Variants in GBE1 observed in about 807,000 individuals in gnomAD.
GBE1 encodes the protein 1,4-alpha-glucan-branching enzyme.
Under a neutral mutation model 88.8 loss-of-function variants are expected in GBE1, and 70 were observed. The ratio of observed to expected loss-of-function variants is 0.79; its 90% CI spans 0.65 to 0.96. The LOEUF (loss-of-function observed/expected upper bound fraction) is 0.96, where lower values mean the gene tolerates loss of function less well. Among genes scored for constraint, GBE1 ranks in the 40% least tolerant of loss-of-function variants. The pLI, the probability that GBE1 is intolerant of heterozygous loss-of-function variation, is 0.00. For synonymous variants in GBE1, 284 were observed against 300.1 expected, an observed-to-expected ratio of 0.95 and a Z score of 0.56; for missense variants, 872 against 871.0, an observed-to-expected ratio of 1.00 and a Z score of -0.01.
chr3:81,653,282 AAGG>A (rs907740320), intron 3 of GBE1, among the ~76,000 whole-genome samples: 1 of 152,070 alleles, frequency 6.6e-6, no homozygotes, highest in East Asian at 1.9e-4. Flanking sequence ...TGGGCAACAT[AAGG>A]AGACCTGGTC....
chr3:81,717,153 T>C (rs115473313), intron 1 of GBE1, among the ~76,000 whole-genome samples: 42 of 152,358 alleles, frequency 2.8e-4, no homozygotes, highest in African/African-American at 9.9e-4. Context: ...TTTTCTCTTG[T>C]GTAATATGAA....
At chr3:81,535,389 T>G (rs777482601) in intron 13 of GBE1, 64 bp from the exon 14 acceptor site, 39 of 1,481,810 alleles carry the variant, frequency 2.6e-5, no homozygotes, top group Non-Finnish European at 3.3e-5. Context: ...AGTACATTAT[T>G]TTTTGTCTTT....
At chr3:81,659,497 G>A (rs546578736) in intron 3 of GBE1, among the ~76,000 whole-genome samples, 8 of 138,172 alleles carry the variant, frequency 5.8e-5, no homozygotes, top group South Asian at 2.3e-4. Flanking sequence ...CACCACGCCC[G>A]GCTAATTTTT....
At chr3:81,498,009 AGCTG>A (rs1156779588) in intron 15 of GBE1, among the ~76,000 whole-genome samples, 1 of 152,150 alleles carries the variant, frequency 6.6e-6, no homozygotes, top group Non-Finnish European at 1.5e-5. Flanking sequence ...ATATATCTAA[AGCTG>A]TATCAGTGTC....
At chr3:81,492,173 T>C (rs1025294768) in intron 15 of GBE1, among the ~76,000 whole-genome samples, 1 of 152,244 alleles carries the variant, frequency 6.6e-6, no homozygotes, top group Non-Finnish European at 1.5e-5. Context: ...ATGTAGTCAC[T>C]AAGTGTGAGA....
At chr3:81,573,991 T>C (rs773076352) in intron 12 of GBE1, among the ~76,000 whole-genome samples, 10 of 152,144 alleles carry the variant, frequency 6.6e-5, no homozygotes, top group Non-Finnish European at 1.0e-4. Flanking sequence ...TCCTCACACA[T>C]GAAAGCTAAG....
At chr3:81,601,862 T>C (rs1347986508) in intron 7 of GBE1, among the ~76,000 whole-genome samples, 1 of 152,188 alleles carries the variant, frequency 6.6e-6, no homozygotes, top group Non-Finnish European at 1.5e-5. Context: ...GTACATTCAA[T>C]ATGCATTTCT....
At chr3:81,568,149 T>A (rs1279480699) in intron 12 of GBE1, among the ~76,000 whole-genome samples, 2 of 152,150 alleles carry the variant, frequency 1.3e-5, no homozygotes, top group African/African-American at 4.8e-5. Flanking sequence ...ATCTTTGGAT[T>A]CTCAATTTTT....
At chr3:81,496,485 G>A (rs1702500490) in intron 15 of GBE1, among the ~76,000 whole-genome samples, 1 of 152,188 alleles carries the variant, frequency 6.6e-6, no homozygotes. Context: ...TACTAGTTAT[G>A]ATGGGCAAAA....
intron 3 of GBE1, among the ~76,000 whole-genome samples, chr3:81,659,673 T>C (rs188577699): frequency 9.2e-4 from 139 of 151,416 alleles, no homozygotes; most frequent in African/African-American, 3.2e-3. Flanking sequence ...TAAGTGCCAT[T>C]GCAATGAAGT....
intron 12 of GBE1, among the ~76,000 whole-genome samples, chr3:81,544,154 C>A (rs1703175446): frequency 6.6e-6 from 1 of 152,028 alleles, no homozygotes; most frequent in South Asian, 2.1e-4. Flanking sequence ...CAAGTAAGGG[C>A]TTTTAAGCAA....
intron 7 of GBE1, among the ~76,000 whole-genome samples, chr3:81,618,254 T>C (rs544058438): frequency 1.7e-4 from 26 of 152,270 alleles, no homozygotes; most frequent in African/African-American, 6.0e-4. Context: ...TTCTAATTAA[T>C]AAACTTGTAA....
At chr3:81,499,317 T>C in intron 14 of GBE1, 90 bp from the exon 15 acceptor site, 1 of 768,456 alleles carries the variant, frequency 1.3e-6, no homozygotes, top group East Asian at 2.7e-5. Flanking sequence ...AGTGAGTTTT[T>C]GAGCAGTGTT....
At chr3:81,617,152 T>C (rs1393830873) in intron 7 of GBE1, among the ~76,000 whole-genome samples, 1 of 151,972 alleles carries the variant, frequency 6.6e-6, no homozygotes, top group African/African-American at 2.4e-5. Context: ...TATACAATCA[T>C]GTCAACCACA....
intron 6 of GBE1, among the ~76,000 whole-genome samples, chr3:81,643,402 T>A (rs972175834): frequency 1.3e-5 from 2 of 152,104 alleles, no homozygotes; most frequent in Non-Finnish European, 1.5e-5. Context: ...CCATGGTACC[T>A]TGATTGAGGT....
In GBE1 at chr3:81,641,490, T is replaced by G. The variant is rs143876842; in HGVS notation, c.992+1291A>C. 4.1e-3 allele frequency among the ~76,000 whole-genome samples: 627 copies of G among 152,248 alleles called. 8 individuals are homozygous for G. The highest frequency in any genetic ancestry group is 0.014 in the Middle Eastern group (4 of 294). On this transcript the variant is annotated intron_variant, in intron 7 of 15. Transcript: ENST00000429644. ...AATAATAAATGTTCAAAAGGTGACA[T>G]GAATACAAAATACCTTCATGAGCAA...
rs557258230 is a variant in GBE1, at chr3:81,689,723, A to G, written c.313+15721T>C. Among the ~76,000 whole-genome samples, 45 of 152,188 alleles carry G rather than the reference A, an allele frequency of 3.0e-4. 1 individual carries two copies. In the South Asian group the frequency reaches 8.7e-3, roughly 29 times the overall value. On this transcript the variant is annotated intron_variant, in intron 2 of 15. Coordinates refer to ENST00000429644, the MANE Select transcript of GBE1 (RefSeq NM_000158.4). ...CCTCTCTTGATCATTGGCCATATTG[A>G]GATAGCCAGGAGGGAAGGGGTGCCC...
At chr3:81,625,459 G>A (rs932140236) in intron 7 of GBE1, among the ~76,000 whole-genome samples, 1 of 150,506 alleles carries the variant, frequency 6.6e-6, no homozygotes, top group Non-Finnish European at 1.5e-5. Flanking sequence ...TTTTTTTTTA[G>A]ACTGTGTCTC....
chr3:81,670,806 A>C (rs1464022607), intron 3 of GBE1, 32 bp downstream of exon 3: 1 of 1,168,282 alleles, frequency 8.6e-7, no homozygotes, highest in Non-Finnish European at 1.2e-6. Context: ...GAAAATGATA[A>C]GTTCAAGAAA....
Sources: gnomAD v4.1 joint callset for allele counts (sites outside exome capture counted in the v4.1 genomes callset) on GRCh38, gnomAD v4.1.1 for gene constraint, MANE v1.5 for transcripts, NCBI Gene and HGNC (gene_info 2026-07-23, HGNC 2026-07-21) for gene names.